MTHFS: variants seen among roughly 807,000 people sequenced by gnomAD.
The protein encoded by MTHFS is methenyltetrahydrofolate synthetase, also known as 5-formyltetrahydrofolate cyclo-ligase.
A neutral mutation model predicts 12.7 loss-of-function variants in MTHFS; 7 were observed. That is an observed-to-expected ratio of 0.55 (90% CI 0.31 to 1.03). The LOEUF (loss-of-function observed/expected upper bound fraction) is 1.03, where lower values mean the gene tolerates loss of function less well. Ranked by LOEUF, MTHFS falls within the 50% of genes least tolerant of loss-of-function variation. The pLI, the probability that MTHFS is intolerant of heterozygous loss-of-function variation, is 0.05. For missense variants in MTHFS, 252 were observed against 258.1 expected (o/e 0.98, Z 0.16); for synonymous variants, 100 against 97.1 (o/e 1.03, Z -0.18).
At chr15:79,892,274 G>A (rs756391333) in intron 1 of MTHFS, among the ~76,000 whole-genome samples, 29 of 152,118 alleles carry the variant, frequency 1.9e-4, no homozygotes, top group Non-Finnish European at 3.2e-4. Context: ...GGAACCCCAG[G>A]GCAATGGCAG....
chr15:79,875,261 G>A (rs569383680), intron 2 of MTHFS, among the ~76,000 whole-genome samples: 46 of 148,266 alleles, frequency 3.1e-4, no homozygotes, highest in African/African-American at 6.8e-4. Context: ...CTGACTTCCC[G>A]CAACAAAAGC....
At chr15:79,850,229 A>G (rs774093316) in intron 2 of MTHFS, among the ~76,000 whole-genome samples, 4 of 152,240 alleles carry the variant, frequency 2.6e-5, no homozygotes, top group Non-Finnish European at 4.4e-5. Flanking sequence ...GGAAAGGGGT[A>G]TAGTTTCTCC....
chr15:79,851,638 G>A (rs571308234), intron 2 of MTHFS, among the ~76,000 whole-genome samples: 1 of 152,148 alleles, frequency 6.6e-6, no homozygotes, highest in Non-Finnish European at 1.5e-5. Context: ...AGGCAGGAGG[G>A]TGGGAACTAT....
intron 2 of MTHFS, among the ~76,000 whole-genome samples, chr15:79,865,718 T>C (rs751474242): frequency 5.9e-5 from 9 of 152,212 alleles, no homozygotes; most frequent in Non-Finnish European, 1.2e-4. Flanking sequence ...AAAGGCTCCA[T>C]GTTTGGATCT....
At chr15:79,871,391 C>T (rs921845461) in intron 2 of MTHFS, among the ~76,000 whole-genome samples, 5 of 152,080 alleles carry the variant, frequency 3.3e-5, no homozygotes, top group Non-Finnish European at 7.4e-5. Context: ...CAGACACATG[C>T]ATTATTCCCA....
chr15:79,891,963 CAAAAAAAAAAAAAA>C (rs57309663), intron 1 of MTHFS, among the ~76,000 whole-genome samples: 16 of 84,264 alleles, frequency 1.9e-4, no homozygotes, highest in African/African-American at 8.0e-4. Context: ...AACTCCATCT[CAAAAAAAAAAAAAA>C]AAAAAAAAGA....
chr15:79,872,921 T>G (rs1254880076), intron 2 of MTHFS, among the ~76,000 whole-genome samples: 2 of 152,170 alleles, frequency 1.3e-5, no homozygotes, highest in East Asian at 3.9e-4. Flanking sequence ...TGAGAAAGGA[T>G]GCCTTTTCAC....
At position 79,851,764 on chromosome 15, in the gene MTHFS, C is replaced by A. The variant is rs920891574; in HGVS notation, c.380-6322G>T. 3.3e-5 allele frequency among the ~76,000 whole-genome samples: 5 copies of A among 152,072 alleles called. 1 individual carries two copies. The highest frequency in any genetic ancestry group is 3.8e-4 in the East Asian group (2 of 5,196). On this transcript the variant is annotated intron_variant, in intron 2 of 2. Transcript: ENST00000258874. Reference sequence around the variant, plus strand: ...GAGGTGAAGCTGAGGGCTTGCTGTTCCAGATGGATAATATACATGGTTCCT... The same window carrying A: ...GAGGTGAAGCTGAGGGCTTGCTGTTACAGATGGATAATATACATGGTTCCT...
chr15:79,867,990 T>C (rs1230843445), intron 2 of MTHFS, among the ~76,000 whole-genome samples: 4 of 152,082 alleles, frequency 2.6e-5, no homozygotes, highest in African/African-American at 9.7e-5. Flanking sequence ...AGCCCAGCAA[T>C]CCAACGTTGG....
intron 2 of MTHFS, among the ~76,000 whole-genome samples, chr15:79,862,620 A>T (rs937574365): frequency 1.8e-4 from 27 of 152,168 alleles, no homozygotes; most frequent in African/African-American, 5.8e-4. Flanking sequence ...AAGAGGTATT[A>T]AAAAAACTAT....
At chr15:79,867,274 A>T (rs1441524700) in intron 2 of MTHFS, among the ~76,000 whole-genome samples, 1 of 152,012 alleles carries the variant, frequency 6.6e-6, no homozygotes, top group East Asian at 1.9e-4. Flanking sequence ...TTCTTGGTTG[A>T]TTATCACCAT....
chr15:79,857,832 C>T lies in MTHFS; in HGVS notation c.380-12390G>A, dbSNP rs138516897. 0.022 allele frequency among the ~76,000 whole-genome samples: 3,279 copies of T among 151,894 alleles called. 195 individuals are homozygous for T. The East Asian group carries it at 0.23, about 10-fold the overall frequency. On this transcript the variant is annotated intron_variant, in intron 2 of 2. Transcript: ENST00000258874. ...GAGTTCGAGACCAGTCTGACCAACA[C>T]GGTGAAACCCCCGTCTCTACTAAAA...
chr15:79,871,867 G>T (rs1029264872), intron 2 of MTHFS, among the ~76,000 whole-genome samples: 1 of 151,934 alleles, frequency 6.6e-6, no homozygotes, highest in Admixed American at 6.6e-5. Context: ...AGCACTTTGG[G>T]AGGCCGAGGC....
Position 79,896,961 on chromosome 15 carries a change from T to TGGCGCTGCTC in MTHFS, c.18_27dup (p.Lys10GlufsTer39). 1 of 1,535,178 alleles carries TGGCGCTGCTC rather than the reference T, an allele frequency of 6.5e-7. No individual in the cohort carries two copies. The highest frequency in any genetic ancestry group is 1.4e-5 in the African/African-American group (1 of 72,322). On this transcript the variant is annotated frameshift_variant, in exon 1 of 3. Coordinates refer to ENST00000258874, the MANE Select transcript of MTHFS (RefSeq NM_006441.4). LOFTEE classifies it high-confidence loss of function. ...TTCAGCTCTCCCCGCAGGCTCCGCT[T>TGGCGCTGCTC]GGCGCTGCTCACCGCTGCCGCCGCC... is the stretch of plus-strand genomic sequence containing the variant.
Position 79,844,061 on chromosome 15 carries a change from A to G in MTHFS, c.*1149T>C, listed in dbSNP as rs895458592. The G allele has an allele frequency of 1.3e-5, 2 of 152,294 alleles. No homozygotes were observed. Among genetic ancestry groups the G allele is most frequent in the African/African-American group, 2.4e-5 (1 of 41,478 alleles). The allele number at this position is 152,294 out of a possible 1,614,324, so 9.4% of individuals were successfully genotyped here. ...ACAGAGTTGGGAGAGAAGAGGCTAG[A>G]AAAAGTAGATGAGGAGACCTCTCTT... On this transcript the variant is annotated 3_prime_UTR_variant, in exon 3 of 3. Transcript: ENST00000258874.
chr15:79,847,635 A>G (rs924241709), intron 2 of MTHFS, among the ~76,000 whole-genome samples: 2 of 140,078 alleles, frequency 1.4e-5, no homozygotes, highest in Non-Finnish European at 3.0e-5. Context: ...GCGCCACTGC[A>G]CTCCAGCCTG....
intron 2 of MTHFS, chr15:79,877,930 G>A (rs1252042543): frequency 1.3e-5 from 2 of 151,866 alleles, no homozygotes; most frequent in Non-Finnish European, 2.9e-5. Context: ...AAAAATAGAG[G>A]CAGAATAAGA....
chr15:79,861,647 T>C (rs1715748097), intron 2 of MTHFS, among the ~76,000 whole-genome samples: 1 of 152,226 alleles, frequency 6.6e-6, no homozygotes, highest in African/African-American at 2.4e-5. Flanking sequence ...AGGATGTTCT[T>C]TTTTATTTTT....
intron 2 of MTHFS, among the ~76,000 whole-genome samples, chr15:79,855,113 A>C (rs904364163): frequency 6.6e-6 from 1 of 152,190 alleles, no homozygotes; most frequent in Non-Finnish European, 1.5e-5. Flanking sequence ...GATATTTACT[A>C]TCTGGCCCTC....
Sources: allele counts gnomAD v4.1 joint callset (sites outside exome capture counted in the v4.1 genomes callset), GRCh38; gene constraint gnomAD v4.1.1; transcripts MANE v1.5; gene names NCBI Gene and HGNC (gene_info 2026-07-23, HGNC 2026-07-21).